The following EAF2 variants were observed in gnomAD, a reference collection of about 807,000 sequenced individuals.
The protein encoded by EAF2 is ELL associated factor 2.
In EAF2, 29 loss-of-function variants were observed where a neutral mutation model predicts 29.4. That is an observed-to-expected ratio of 0.99 (90% CI 0.73 to 1.35). The LOEUF (loss-of-function observed/expected upper bound fraction) is 1.35, where lower values mean the gene tolerates loss of function less well. Among genes scored for constraint, EAF2 ranks in the 40% most tolerant of loss-of-function variants. The probability of loss-of-function intolerance (pLI) is 0.00; values close to 1 mark genes in which losing one functional copy is unlikely to be tolerated. For synonymous variants in EAF2, 103 were observed against 102.5 expected, an observed-to-expected ratio of 1.00 and a Z score of -0.03; for missense variants, 292 against 312.0, an observed-to-expected ratio of 0.94 and a Z score of 0.48.
At chr3:121,867,278 C>T (rs1315175105) in intron 4 of EAF2, among the ~76,000 whole-genome samples, 1 of 152,084 alleles carries the variant, frequency 6.6e-6, no homozygotes, top group Admixed American at 6.6e-5. Flanking sequence ...AAGACATAAA[C>T]CCACAGATGT....
Position 121,880,794 on chromosome 3 carries a change from T to A in EAF2, c.737-5548T>A, listed in dbSNP as rs563975112. Reference sequence around the variant, plus strand: ...AGAATGGTGAGAGTGCGCATCCTTATATTGTTCCAGCTCCTAGAAGAAAAG... The same window carrying A: ...AGAATGGTGAGAGTGCGCATCCTTAAATTGTTCCAGCTCCTAGAAGAAAAG... On this transcript the variant is annotated intron_variant, in intron 5 of 5. Coordinates refer to ENST00000273668, the MANE Select transcript of EAF2 (RefSeq NM_018456.6). Among the ~76,000 whole-genome samples the A allele has an allele frequency of 2.0e-5, 3 of 152,298 alleles. No homozygotes were observed. The South Asian group carries it at 6.2e-4, about 32-fold the overall frequency.
At chr3:121,839,670 A>C (rs2107491944) in intron 1 of EAF2, among the ~76,000 whole-genome samples, 1 of 152,318 alleles carries the variant, frequency 6.6e-6, no homozygotes, top group African/African-American at 2.4e-5. Context: ...TGAGCCACAG[A>C]AAATAATTAG....
chr3:121,850,393 C>T (rs1708610582), intron 2 of EAF2, among the ~76,000 whole-genome samples: 1 of 150,748 alleles, frequency 6.6e-6, no homozygotes, highest in South Asian at 2.1e-4. Context: ...TATACTTTTC[C>T]ATTCCATTAT....
At chr3:121,844,990 G>A (rs1017087978) in intron 2 of EAF2, among the ~76,000 whole-genome samples, 1 of 152,080 alleles carries the variant, frequency 6.6e-6, no homozygotes, top group Non-Finnish European at 1.5e-5. Context: ...GCTTCATAAA[G>A]CAAGCAATAT....
chr3:121,875,145 T>A (rs1054426289), intron 5 of EAF2, among the ~76,000 whole-genome samples: 3 of 151,866 alleles, frequency 2.0e-5, no homozygotes, highest in Non-Finnish European at 4.4e-5. Context: ...TGAACCTGAG[T>A]CATATTTTCT....
chr3:121,845,303 T>A (rs1708507059), intron 2 of EAF2, among the ~76,000 whole-genome samples: 1 of 151,664 alleles, frequency 6.6e-6, no homozygotes, highest in Non-Finnish European at 1.5e-5. Flanking sequence ...CCAGTCGTGG[T>A]AGTGGGCACC....
chr3:121,856,061 C>T (rs889117750), intron 3 of EAF2, among the ~76,000 whole-genome samples: 7 of 152,062 alleles, frequency 4.6e-5, no homozygotes, highest in African/African-American at 1.7e-4. Flanking sequence ...GATTTGGTGA[C>T]TGGAAATGGG....
chr3:121,876,177 A>G (rs1161383723), intron 5 of EAF2, among the ~76,000 whole-genome samples: 1 of 151,976 alleles, frequency 6.6e-6, no homozygotes, highest in African/African-American at 2.4e-5. Flanking sequence ...AAGACAAACT[A>G]CAAAAGAATA....
At chr3:121,839,868 A>T (rs1335438848) in intron 1 of EAF2, among the ~76,000 whole-genome samples, 1 of 152,206 alleles carries the variant, frequency 6.6e-6, no homozygotes, top group African/African-American at 2.4e-5. Context: ...ATGCTTTAAA[A>T]AATTACAATC....
At chr3:121,880,382 G>C (rs1049021275) in intron 5 of EAF2, among the ~76,000 whole-genome samples, 1 of 151,312 alleles carries the variant, frequency 6.6e-6, no homozygotes. Flanking sequence ...GCCCCAGGCA[G>C]TCCTCCTTCC....
At chr3:121,871,148 GTAAC>G (rs1194753609) in intron 4 of EAF2, among the ~76,000 whole-genome samples, 1 of 151,526 alleles carries the variant, frequency 6.6e-6, no homozygotes, top group Non-Finnish European at 1.5e-5. Flanking sequence ...TAGAAAATGG[GTAAC>G]TAACTTGTGG....
intron 4 of EAF2, among the ~76,000 whole-genome samples, chr3:121,870,979 T>G (rs1324816394): frequency 6.6e-6 from 1 of 151,554 alleles, no homozygotes; most frequent in Admixed American, 6.6e-5. Context: ...AAACTGGGAG[T>G]TTTTAATGAA....
At position 121,872,702 on chromosome 3, in the gene EAF2, C is replaced by T. The variant is rs762151439; in HGVS notation, c.650C>T (p.Pro217Leu). 6 of 1,612,818 alleles carry T rather than the reference C, an allele frequency of 3.7e-6. No individual in the cohort carries two copies. The highest frequency in any genetic ancestry group is 5.1e-6 in the Non-Finnish European group (6 of 1,179,180). Residue 217 changes from proline to leucine, a missense_variant, in exon 5 of 6, where the codon CCT (proline) becomes CTT (leucine). Pro to Leu is a moderately conservative substitution (Grantham distance 98). Transcript: ENST00000273668. ...SDTGNCVSGH[P>L]TMTQYRIPDI... The stretch of plus-strand genomic sequence containing the variant: ...ACAGGGAATTGTGTCTCAGGACATC[C>T]TACCATGACACAGTACAGGATTCCT...
intron 4 of EAF2, among the ~76,000 whole-genome samples, chr3:121,866,584 G>A (rs1005334303): frequency 6.6e-6 from 1 of 152,034 alleles, no homozygotes; most frequent in African/African-American, 2.4e-5. Context: ...AATTAGCTGG[G>A]TGTGGTGGCA....
At chr3:121,869,590 T>A (rs1708977539) in intron 4 of EAF2, among the ~76,000 whole-genome samples, 1 of 151,978 alleles carries the variant, frequency 6.6e-6, no homozygotes, top group South Asian at 2.1e-4. Context: ...TATAAAGAAA[T>A]GGTAGGCTGG....
At chr3:121,837,416 A>G (rs1576633573) in intron 1 of EAF2, 1 of 152,170 alleles carries the variant, frequency 6.6e-6, no homozygotes, top group African/African-American at 2.4e-5. Flanking sequence ...TTCTGCCTTT[A>G]TTTACAGGAG....
intron 5 of EAF2, chr3:121,873,254 C>A: frequency 2.0e-6 from 1 of 494,102 alleles, no homozygotes; most frequent in Non-Finnish European, 3.6e-6. Context: ...TTACTTTGTC[C>A]AAAACCAACT....
At chr3:121,861,290 A>C (rs777757605) in intron 4 of EAF2, among the ~76,000 whole-genome samples, 1 of 152,014 alleles carries the variant, frequency 6.6e-6, no homozygotes, top group Non-Finnish European at 1.5e-5. Flanking sequence ...TCCCATTATT[A>C]TTGTTTGGGA....
At chr3:121,847,423 C>G (rs1393163292) in intron 2 of EAF2, among the ~76,000 whole-genome samples, 8 of 152,072 alleles carry the variant, frequency 5.3e-5, no homozygotes, top group Non-Finnish European at 1.5e-5. Flanking sequence ...GATACAACAA[C>G]AAAAGAAAGT....
Sources: allele counts gnomAD v4.1 joint callset (sites outside exome capture counted in the v4.1 genomes callset), GRCh38; gene constraint gnomAD v4.1.1; transcripts MANE v1.5; gene names NCBI Gene and HGNC (gene_info 2026-07-23, HGNC 2026-07-21).